The following CHST9 variants were observed in gnomAD, a reference collection of about 807,000 sequenced individuals.
The protein encoded by CHST9 is carbohydrate sulfotransferase 9.
Under a neutral mutation model 44.4 loss-of-function variants are expected in CHST9, and 41 were observed. That is an observed-to-expected ratio of 0.92 (90% confidence interval 0.72 to 1.20). The LOEUF (loss-of-function observed/expected upper bound fraction) is 1.20. Ranked by LOEUF, CHST9 falls within the 50% of genes most tolerant of loss-of-function variation. The pLI is 0.00. For synonymous variants in CHST9, 171 were observed against 178.4 expected (o/e 0.96, Z 0.33); for missense variants, 504 against 516.5 (o/e 0.98, Z 0.23).
intron 2 of CHST9, among the ~76,000 whole-genome samples, chr18:27,065,460 T>C (rs148399679): frequency 0.014 from 2,152 of 152,266 alleles, 34 homozygotes; most frequent in South Asian, 0.033. Flanking sequence ...TTTAGGAAAA[T>C]TCCCTGATTC....
In CHST9 at chr18:27,053,281, A is replaced by AAGAAGAAGAG. The variant is rs1568151323; in HGVS notation, c.122-4779_122-4778insCTCTTCTTCT. Reference sequence around the variant, plus strand: ...AAGAAGGAGAAGGAGAAGGAGAAGGAGAAGGAGAAGGAGAAGGAGAAGGAG... The same window carrying AAGAAGAAGAG: ...AAGAAGGAGAAGGAGAAGGAGAAGGAAGAAGAAGAGGAAGGAGAAGGAGAAGGAGAAGGAG... On this transcript the variant is annotated intron_variant, in intron 2 of 5. Transcript: ENST00000618847. 9.7e-5 allele frequency among the ~76,000 whole-genome samples: 13 copies of AAGAAGAAGAG among 134,516 alleles called. 2 individuals are homozygous for AAGAAGAAGAG. Among genetic ancestry groups the AAGAAGAAGAG allele is most frequent in the African/African-American group, 3.1e-4 (11 of 35,080 alleles). 88.2% of individuals were successfully genotyped at this position (134,516 alleles called of 152,430 possible). A position where few individuals can be genotyped will look rare whatever the true frequency, so the allele number is the denominator to read the frequency against.
chr18:26,968,790 A>T (rs141643608), intron 4 of CHST9, among the ~76,000 whole-genome samples: 3,244 of 152,232 alleles, frequency 0.021, 129 homozygotes, highest in African/African-American at 0.074. Flanking sequence ...AATTTGACAC[A>T]TTTGAAATTT....
chr18:26,932,880 A>G (rs1225697134), intron 5 of CHST9: 1 of 153,772 alleles, frequency 6.5e-6, no homozygotes, highest in African/African-American at 2.4e-5. Context: ...CAAAGCATTC[A>G]TGTATTGCAT....
intron 4 of CHST9, among the ~76,000 whole-genome samples, chr18:27,013,017 C>G (rs755726846): frequency 7.9e-5 from 12 of 152,228 alleles, no homozygotes; most frequent in Non-Finnish European, 1.6e-4. Context: ...TCATATACCT[C>G]TGTCAAACTG....
intron 4 of CHST9, among the ~76,000 whole-genome samples, chr18:27,019,428 A>G (rs1360826323): frequency 1.3e-5 from 2 of 152,186 alleles, no homozygotes; most frequent in African/African-American, 4.8e-5. Flanking sequence ...ATGAAATTCC[A>G]AGGAACATTT....
At chr18:26,957,961 A>G (rs535634849) in intron 4 of CHST9, among the ~76,000 whole-genome samples, 1 of 151,752 alleles carries the variant, frequency 6.6e-6, no homozygotes, top group South Asian at 2.1e-4. Flanking sequence ...ATCTCCACTC[A>G]CTACAACCTC....
At chr18:27,019,469 G>GA (rs1568135495) in intron 4 of CHST9, among the ~76,000 whole-genome samples, 3 of 152,096 alleles carry the variant, frequency 2.0e-5, no homozygotes, top group Non-Finnish European at 4.4e-5. Flanking sequence ...AAATGATGTT[G>GA]AATTACTCTC....
At chr18:27,162,712 T>C (rs541227932) in intron 1 of CHST9, among the ~76,000 whole-genome samples, 6 of 152,192 alleles carry the variant, frequency 3.9e-5, no homozygotes, top group Non-Finnish European at 7.3e-5. Context: ...TAGCCATTTG[T>C]CTAATTTTTT....
chr18:26,940,471 T>C (rs1218694867), intron 5 of CHST9, among the ~76,000 whole-genome samples: 2 of 152,154 alleles, frequency 1.3e-5, no homozygotes, highest in African/African-American at 4.8e-5. Context: ...TTTTTCTACT[T>C]AGTTTTTATT....
chr18:27,166,139 A>C (rs1237862533), intron 1 of CHST9, among the ~76,000 whole-genome samples: 2 of 152,048 alleles, frequency 1.3e-5, no homozygotes, highest in Non-Finnish European at 2.9e-5. Flanking sequence ...CCAAAAAATG[A>C]CCTAATTTCT....
chr18:27,070,031 T>C (rs1261798532), intron 2 of CHST9, among the ~76,000 whole-genome samples: 2 of 152,188 alleles, frequency 1.3e-5, no homozygotes, highest in African/African-American at 2.4e-5. Flanking sequence ...AGGAAGATAA[T>C]TGGTATTTAA....
At chr18:27,160,039 A>G (rs2058732808) in intron 1 of CHST9, among the ~76,000 whole-genome samples, 1 of 152,192 alleles carries the variant, frequency 6.6e-6, no homozygotes, top group East Asian at 1.9e-4. Flanking sequence ...TAGGTATACA[A>G]TCATGTCTTC....
intron 2 of CHST9, among the ~76,000 whole-genome samples, chr18:27,059,042 T>C (rs1215768757): frequency 1.3e-5 from 2 of 152,228 alleles, no homozygotes; most frequent in Admixed American, 1.3e-4. Flanking sequence ...TATGTTCTAT[T>C]ATTCAGCATT....
At chr18:27,093,503 T>G (rs1343114650) in intron 2 of CHST9, among the ~76,000 whole-genome samples, 1 of 152,204 alleles carries the variant, frequency 6.6e-6, no homozygotes, top group Non-Finnish European at 1.5e-5. Context: ...GATCTCAGAC[T>G]GCTGCGCTAG....
Position 26,974,720 on chromosome 18 carries a change from T to A in CHST9, c.203-30354A>T, listed in dbSNP as rs2056595776. ...ACAGGGTCTCACTCTGTCACCCAGA[T>A]TGGAGTGCAGTGGCCCGATCTCGGC... On this transcript the variant is annotated intron_variant, in intron 4 of 5. Transcript: ENST00000618847. Among the ~76,000 whole-genome samples the A allele has an allele frequency of 2.0e-5, 3 of 151,320 alleles. No individual in the cohort carries two copies. The South Asian group carries it at 6.2e-4, about 31-fold the overall frequency.
chr18:27,041,348 C>T (rs1037814710), intron 3 of CHST9, among the ~76,000 whole-genome samples: 2 of 152,124 alleles, frequency 1.3e-5, no homozygotes, highest in Non-Finnish European at 2.9e-5. Context: ...TGAAATTATT[C>T]TCCACTTCCT....
chr18:27,014,971 C>T (rs1279452087), intron 4 of CHST9, among the ~76,000 whole-genome samples: 1 of 152,142 alleles, frequency 6.6e-6, no homozygotes, highest in Non-Finnish European at 1.5e-5. Flanking sequence ...CTCTGCCCTG[C>T]ATTCCTTACT....
At position 27,142,549 on chromosome 18, in the gene CHST9, T is replaced by C. The variant is rs76814021; in HGVS notation, c.121+140A>G. 3,114 of 589,950 alleles carry C rather than the reference T, an allele frequency of 5.3e-3. 82 individuals are homozygous for C. The African/African-American group carries it at 0.054, about 10-fold the overall frequency. The allele number at this position is 589,950 out of a possible 1,614,324, so 36.5% of individuals were successfully genotyped here. On this transcript the variant is annotated intron_variant, in intron 2 of 5. Transcript: ENST00000618847. Reference sequence around the variant, plus strand: ...TATAATTTTCCTTCCTTTTAGGAGCTGGGAATTTTATCTTATGACTCATTT... The same window carrying C: ...TATAATTTTCCTTCCTTTTAGGAGCCGGGAATTTTATCTTATGACTCATTT...
intron 4 of CHST9, among the ~76,000 whole-genome samples, chr18:26,952,786 G>A (rs2056268318): frequency 6.6e-6 from 1 of 152,178 alleles, no homozygotes; most frequent in South Asian, 2.1e-4. Flanking sequence ...GGCATGCAAA[G>A]ATGATACAGC....
Sources: gnomAD v4.1 joint callset for allele counts (sites outside exome capture counted in the v4.1 genomes callset) on GRCh38, gnomAD v4.1.1 for gene constraint, MANE v1.5 for transcripts, NCBI Gene and HGNC (gene_info 2026-07-23, HGNC 2026-07-21) for gene names.